The following GALNT3 variants were observed in gnomAD, a reference collection of about 807,000 sequenced individuals.
GALNT3 encodes polypeptide N-acetylgalactosaminyltransferase 3.
GALNT3 carries 51 observed loss-of-function variants against 69.8 expected under a neutral mutation model. The ratio of observed to expected loss-of-function variants is 0.73; its 90% CI spans 0.58 to 0.92. The LOEUF is 0.92. GALNT3 is among the 40% of genes least tolerant of loss of function. The pLI is 0.00. For missense variants in GALNT3, 711 were observed against 760.0 expected (o/e 0.94, Z 0.76); for synonymous variants, 265 against 248.5 (o/e 1.07, Z -0.63).
intron 1 of GALNT3, among the ~76,000 whole-genome samples, chr2:165,789,563 C>T (rs1683298463): frequency 6.6e-6 from 1 of 152,124 alleles, no homozygotes; most frequent in African/African-American, 2.4e-5. Context: ...TTCACTCTCC[C>T]AAATCTCTGC....
intron 1 of GALNT3, among the ~76,000 whole-genome samples, chr2:165,774,066 A>G (rs1324028296): frequency 1.3e-5 from 2 of 152,194 alleles, no homozygotes; most frequent in Non-Finnish European, 1.5e-5. Context: ...AACCTCACCT[A>G]TGGGGTTCCG....
chr2:165,768,818 G>A (rs946950983), intron 2 of GALNT3, among the ~76,000 whole-genome samples: 1 of 146,778 alleles, frequency 6.8e-6, no homozygotes, highest in African/African-American at 2.5e-5. Context: ...TTTGGAGATG[G>A]AGTTTCGTTC....
intron 3 of GALNT3, among the ~76,000 whole-genome samples, chr2:165,762,726 T>G (rs1008344840): frequency 5.3e-5 from 8 of 152,228 alleles, no homozygotes; most frequent in African/African-American, 1.7e-4. Flanking sequence ...GGATAAGGTT[T>G]GTAATAAGCA....
intron 4 of GALNT3, among the ~76,000 whole-genome samples, chr2:165,761,359 A>G (rs1688541974): frequency 6.6e-6 from 1 of 151,940 alleles, no homozygotes; most frequent in Admixed American, 6.6e-5. Flanking sequence ...TTATAGGCAC[A>G]TGTCACCATG....
At chr2:165,759,780 A>G (rs2105407879) in intron 4 of GALNT3, among the ~76,000 whole-genome samples, 1 of 152,332 alleles carries the variant, frequency 6.6e-6, no homozygotes, top group East Asian at 1.9e-4. Context: ...TAGTGTTTAT[A>G]TATGTATACA....
At chr2:165,752,254 ACT>A (rs1688368591) in intron 9 of GALNT3, among the ~76,000 whole-genome samples, 1 of 151,900 alleles carries the variant, frequency 6.6e-6, no homozygotes, top group South Asian at 2.1e-4. Context: ...CTCCTGGAAC[ACT>A]CTCTCACAGT....
At chr2:165,765,875 T>TGGATTTACTTAATCTGTACACA (rs1688634933) in intron 2 of GALNT3, among the ~76,000 whole-genome samples, 1 of 152,198 alleles carries the variant, frequency 6.6e-6, no homozygotes. Flanking sequence ...CTAGGTTTAT[T>TGGATTTACTTAATCTGTACACA]GAATCAATTT....
At chr2:165,780,679 T>G (rs986746875) in intron 1 of GALNT3, among the ~76,000 whole-genome samples, 17 of 149,690 alleles carry the variant, frequency 1.1e-4, no homozygotes, top group East Asian at 1.9e-4. Flanking sequence ...TGTTGTTGTT[T>G]TTTCTTCTAA....
intron 1 of GALNT3, among the ~76,000 whole-genome samples, chr2:165,791,890 G>C (rs1360867183): frequency 6.6e-6 from 1 of 152,150 alleles, no homozygotes; most frequent in African/African-American, 2.4e-5. Context: ...ATTTGGACAA[G>C]TAGAAATGAG....
intron 3 of GALNT3, among the ~76,000 whole-genome samples, chr2:165,764,145 A>C (rs1029064943): frequency 6.6e-6 from 1 of 152,200 alleles, no homozygotes; most frequent in Admixed American, 6.5e-5. Context: ...TCCAATTTAA[A>C]ATGTGTAATT....
Position 165,749,854 on chromosome 2 carries a change from ATGT to A in GALNT3, c.1664_1666del (p.Asn555del). The A allele has an allele frequency of 6.2e-7, 1 of 1,613,588 alleles. No homozygotes were observed. The highest frequency in any genetic ancestry group is 1.1e-5 in the South Asian group (1 of 91,062). ...AGCATGAAGACATAATTCCTTCTGG[ATGT>A]TGTGCCGAATTTCATGTTGAGCAGA... On this transcript the variant is annotated inframe_deletion, in exon 10 of 11. Coordinates refer to ENST00000392701, the MANE Select transcript of GALNT3 (RefSeq NM_004482.4).
chr2:165,771,995 A>T (rs1171958167), intron 1 of GALNT3, among the ~76,000 whole-genome samples: 3 of 152,198 alleles, frequency 2.0e-5, no homozygotes, highest in Non-Finnish European at 4.4e-5. Context: ...GCTCCAAAAG[A>T]TAACCCCAAT....
chr2:165,759,446 A>C lies in GALNT3; in HGVS notation c.963T>G (p.Pro321=). 1.2e-6 allele frequency: 2 copies of C among 1,614,078 alleles called. No individual in the cohort carries two copies. Among genetic ancestry groups the C allele is most frequent in the Non-Finnish European group, 1.7e-6 (2 of 1,179,976 alleles). Residue 321 remains proline, a synonymous_variant, in exon 5 of 11, where the codon CCT becomes CCG. Transcript: ENST00000392701. Reference sequence around the variant, plus strand: ...TTCCACGGTTATGGTTACTTCCATAAGGAGAAGGTTTGTTGAATTCAAACG... The same window carrying C: ...TTCCACGGTTATGGTTACTTCCATACGGAGAAGGTTTGTTGAATTCAAACG... ...LNTFEFNKPS[P]YGSNHNRGNF...
In GALNT3 at chr2:165,754,233, G is replaced by T. The variant is rs148610774; in HGVS notation, c.1626+394C>A. 4.8e-3 allele frequency among the ~76,000 whole-genome samples: 730 copies of T among 151,670 alleles called. 7 individuals are homozygous for T. The highest frequency in any genetic ancestry group is 0.017 in the African/African-American group (682 of 41,326). On this transcript the variant is annotated intron_variant, in intron 9 of 10. Transcript: ENST00000392701. ...GCCTCCCAAGTAGCTGGGAACACAG[G>T]CATGCACCACCACGCCCGACAAATT...
At chr2:165,765,528 C>T (rs1224815058) in intron 2 of GALNT3, among the ~76,000 whole-genome samples, 2 of 151,150 alleles carry the variant, frequency 1.3e-5, no homozygotes, top group Admixed American at 1.3e-4. Context: ...CTCTCTCTGT[C>T]GCCCAGGCTG....
At chr2:165,778,539 G>A (rs537558762) in intron 1 of GALNT3, among the ~76,000 whole-genome samples, 26 of 152,144 alleles carry the variant, frequency 1.7e-4, no homozygotes, top group Non-Finnish European at 3.4e-4. Flanking sequence ...TGTAAATACA[G>A]TATAAGGGGC....
At chr2:165,758,177 C>T (rs1480558313) in intron 6 of GALNT3, among the ~76,000 whole-genome samples, 2 of 152,186 alleles carry the variant, frequency 1.3e-5, no homozygotes, top group Non-Finnish European at 1.5e-5. Flanking sequence ...AAACTTAAAT[C>T]TTCTAACTCC....
In GALNT3 at chr2:165,748,197, T is replaced by G. The variant is rs554303172; in HGVS notation, c.*584A>C. ...TTTAAAATTTGCCAAGAAATTTAAG[T>G]GTTAAAAATACTCTTCTCCTTATTC... On this transcript the variant is annotated 3_prime_UTR_variant, in exon 11 of 11. Coordinates refer to ENST00000392701, the MANE Select transcript of GALNT3 (RefSeq NM_004482.4). The G allele has an allele frequency of 2.6e-5, 5 of 194,626 alleles. No homozygotes were observed. Among genetic ancestry groups the G allele is most frequent in the Non-Finnish European group, 4.3e-5 (4 of 93,664 alleles). 12.1% of individuals were successfully genotyped at this position (194,626 alleles called of 1,614,324 possible). A position where few individuals can be genotyped will look rare whatever the true frequency, so the allele number is the denominator to read the frequency against.
chr2:165,780,162 C>G (rs1344900637), intron 1 of GALNT3, among the ~76,000 whole-genome samples: 7 of 152,146 alleles, frequency 4.6e-5, no homozygotes, highest in Non-Finnish European at 7.3e-5. Context: ...GCCACCAAGA[C>G]TCCTGTTTAT....
Sources: gnomAD v4.1 joint callset for allele counts (sites outside exome capture counted in the v4.1 genomes callset) on GRCh38, gnomAD v4.1.1 for gene constraint, MANE v1.5 for transcripts, NCBI Gene and HGNC (gene_info 2026-07-23, HGNC 2026-07-21) for gene names.